The following CADM2 variants were observed in gnomAD, a reference collection of about 807,000 sequenced individuals.
CADM2 encodes the protein immunoglobulin superfamily member 4D.
A neutral mutation model predicts 49.8 loss-of-function variants in CADM2; 12 were observed. The observed-to-expected ratio is 0.24, with a 90% CI of 0.15 to 0.39. The LOEUF is 0.39. Ranked by LOEUF, CADM2 falls within the 10% of genes least tolerant of loss-of-function variation. The pLI is 1.00. For missense variants in CADM2, 378 were observed against 492.3 expected, an observed-to-expected ratio of 0.77 and a Z score of 2.20; for synonymous variants, 214 against 175.4, an observed-to-expected ratio of 1.22 and a Z score of -1.74.
At chr3:85,650,980 T>C (rs1186214395) in intron 1 of CADM2, among the ~76,000 whole-genome samples, 1 of 149,160 alleles carries the variant, frequency 6.7e-6, no homozygotes, top group East Asian at 2.0e-4. Flanking sequence ...TGCGCCTTCA[T>C]TTCTACCATT....
intron 1 of CADM2, among the ~76,000 whole-genome samples, chr3:85,089,532 A>G (rs533538449): frequency 6.6e-6 from 1 of 152,278 alleles, no homozygotes; most frequent in African/African-American, 2.4e-5. Context: ...TGACTCACAT[A>G]AATGATTTTC....
intron 1 of CADM2, among the ~76,000 whole-genome samples, chr3:85,322,950 CAGA>C (rs1220080320): frequency 6.6e-6 from 1 of 152,154 alleles, no homozygotes; most frequent in Non-Finnish European, 1.5e-5. Flanking sequence ...TATTGGTTCC[CAGA>C]AGAACTGTTT....
At chr3:85,520,164 C>T (rs895251873) in intron 1 of CADM2, among the ~76,000 whole-genome samples, 2 of 151,722 alleles carry the variant, frequency 1.3e-5, no homozygotes, top group Admixed American at 6.6e-5. Flanking sequence ...TCAACTCTTT[C>T]GTTTAGAACT....
chr3:84,967,983 CTGAG>C (rs1193404608), intron 1 of CADM2, among the ~76,000 whole-genome samples: 1 of 152,030 alleles, frequency 6.6e-6, no homozygotes, highest in Non-Finnish European at 1.5e-5. Flanking sequence ...ATATGCTAGG[CTGAG>C]TATTTCCCTC....
chr3:85,183,954 TTAAAA>T (rs1336859407), intron 1 of CADM2, among the ~76,000 whole-genome samples: 1 of 152,040 alleles, frequency 6.6e-6, no homozygotes, highest in Non-Finnish European at 1.5e-5. Flanking sequence ...AAGAGATAAG[TTAAAA>T]TATTGAGTTA....
intron 1 of CADM2, among the ~76,000 whole-genome samples, chr3:85,636,478 A>G (rs894222786): frequency 6.6e-6 from 1 of 152,216 alleles, no homozygotes; most frequent in Non-Finnish European, 1.5e-5. Flanking sequence ...TTAGAAATGT[A>G]TAAAAATTTT....
chr3:85,568,477 T>TTCTC (rs1559916130), intron 1 of CADM2, among the ~76,000 whole-genome samples: 10 of 39,204 alleles, frequency 2.6e-4, no homozygotes, highest in African/African-American at 6.8e-4. Flanking sequence ...TTCTCTCTCT[T>TTCTC]TCTTTCTTTC....
intron 1 of CADM2, among the ~76,000 whole-genome samples, chr3:85,092,739 T>C (rs1195967387): frequency 1.3e-5 from 2 of 152,092 alleles, no homozygotes; most frequent in Admixed American, 1.3e-4. Context: ...ATCTTTTCTC[T>C]TCCACCACCG....
intron 1 of CADM2, among the ~76,000 whole-genome samples, chr3:85,618,073 G>T (rs1164417621): frequency 2.0e-5 from 3 of 152,116 alleles, no homozygotes. Context: ...TAGGAGGAAA[G>T]TGTGTTAAAA....
At chr3:85,775,323 C>G (rs1010756965) in intron 2 of CADM2, among the ~76,000 whole-genome samples, 2 of 151,558 alleles carry the variant, frequency 1.3e-5, no homozygotes, top group African/African-American at 4.8e-5. Flanking sequence ...TTAATTTATC[C>G]TACTTTCAAA....
At chr3:85,242,285 G>A (rs866193608) in intron 1 of CADM2, among the ~76,000 whole-genome samples, 2 of 150,264 alleles carry the variant, frequency 1.3e-5, no homozygotes, top group Middle Eastern at 3.3e-3. Flanking sequence ...TTACTGTTGT[G>A]TATTTTTTTA....
At chr3:85,719,983 T>C (rs185928583) in intron 1 of CADM2, among the ~76,000 whole-genome samples, 1 of 152,242 alleles carries the variant, frequency 6.6e-6, no homozygotes, top group Admixed American at 6.5e-5. Flanking sequence ...AGTACTCTTA[T>C]TATCCCATGT....
At chr3:86,019,420 C>T (rs1369354418) in intron 8 of CADM2, among the ~76,000 whole-genome samples, 1 of 150,840 alleles carries the variant, frequency 6.6e-6, no homozygotes. Flanking sequence ...TGAAGAAAGG[C>T]ATTGGTAGCT....
chr3:85,262,126 T>G (rs572134138), intron 1 of CADM2, among the ~76,000 whole-genome samples: 2 of 152,244 alleles, frequency 1.3e-5, no homozygotes, highest in East Asian at 3.9e-4. Context: ...AGCCTAAGGA[T>G]GCATTTGCTT....
intron 8 of CADM2, among the ~76,000 whole-genome samples, chr3:86,041,747 G>A (rs192527316): frequency 4.5e-4 from 69 of 152,212 alleles, no homozygotes; most frequent in African/African-American, 1.6e-3. Flanking sequence ...GACATCTACA[G>A]AACTTTCCCC....
chr3:85,165,584 T>C (rs946510875), intron 1 of CADM2, among the ~76,000 whole-genome samples: 2 of 151,834 alleles, frequency 1.3e-5, no homozygotes, highest in Non-Finnish European at 3.0e-5. Flanking sequence ...TTAAAAGAAA[T>C]GGAAATAGTA....
At position 85,568,533 on chromosome 3, in the gene CADM2, T is replaced by TC. The variant is rs2062381168; in HGVS notation, c.62-157988dup. Among the ~76,000 whole-genome samples, 151 of 144,782 alleles carry TC rather than the reference T, an allele frequency of 1.0e-3. 5 individuals are homozygous for TC. Among genetic ancestry groups the TC allele is most frequent in the African/African-American group, 3.7e-3 (143 of 38,970 alleles). The allele number at this position is 144,782 out of a possible 152,430, so 95.0% of individuals were successfully genotyped here. A position where few individuals can be genotyped will look rare whatever the true frequency, so the allele number is the denominator to read the frequency against. On this transcript the variant is annotated intron_variant, in intron 1 of 9. Coordinates refer to ENST00000383699, the MANE Select transcript of CADM2 (RefSeq NM_001167675.2). The stretch of plus-strand genomic sequence containing the variant: ...TTTCTTTCCTCCCTCCCTCCCTCTC[T>TC]CTTTTCTTTCTTTCTTTCTCTTTCT...
intron 1 of CADM2, among the ~76,000 whole-genome samples, chr3:85,578,551 G>T (rs956904105): frequency 3.3e-5 from 5 of 152,158 alleles, no homozygotes; most frequent in Admixed American, 3.3e-4. Flanking sequence ...CTTTTATGCA[G>T]GTCAAGCACT....
In CADM2 at chr3:85,938,384, G is replaced by A. The variant is rs1721438433; in HGVS notation, c.791+2527G>A. 3.3e-5 allele frequency among the ~76,000 whole-genome samples: 5 copies of A among 151,962 alleles called. No homozygotes were observed. In the Admixed American group the frequency reaches 3.3e-4, roughly 10 times the overall value. On this transcript the variant is annotated intron_variant, in intron 7 of 9. Coordinates refer to ENST00000383699, the MANE Select transcript of CADM2 (RefSeq NM_001167675.2). ...AAACGGTTTAATCAGGGAGTTAGTA[G>A]GTAGTAGGGAAGTGAAGACAGCCAC...
Sources: gnomAD v4.1 joint callset for allele counts (sites outside exome capture counted in the v4.1 genomes callset) on GRCh38, gnomAD v4.1.1 for gene constraint, MANE v1.5 for transcripts, NCBI Gene and HGNC (gene_info 2026-07-23, HGNC 2026-07-21) for gene names.